GLCCI1: variants seen among roughly 807,000 people sequenced by gnomAD.
GLCCI1 encodes glucocorticoid-induced transcript 1 protein.
In GLCCI1, 24 loss-of-function variants were observed where a neutral mutation model predicts 52.2. The observed-to-expected ratio is 0.46, with a 90% CI of 0.33 to 0.65. The LOEUF is 0.65. Ranked by LOEUF, GLCCI1 falls within the 30% of genes least tolerant of loss-of-function variation. GLCCI1 has a pLI of 0.02. For synonymous variants in GLCCI1, 310 were observed against 276.5 expected (o/e 1.12, Z -1.20); for missense variants, 704 against 701.5 (o/e 1.00, Z -0.04).
intron 7 of GLCCI1, among the ~76,000 whole-genome samples, chr7:8,085,710 G>A (rs995751289): frequency 6.5e-5 from 9 of 138,754 alleles, no homozygotes; most frequent in Middle Eastern, 3.5e-3. Context: ...CTGTTGAATT[G>A]ACTGGCTTTT....
intron 1 of GLCCI1, among the ~76,000 whole-genome samples, chr7:7,989,951 A>T (rs1780807490): frequency 6.6e-6 from 1 of 152,166 alleles, no homozygotes; most frequent in South Asian, 2.1e-4. Flanking sequence ...CATTACTTAT[A>T]ATGCTCCGAA....
chr7:7,995,387 G>A (rs968469448), intron 1 of GLCCI1, among the ~76,000 whole-genome samples: 1 of 152,122 alleles, frequency 6.6e-6, no homozygotes, highest in African/African-American at 2.4e-5. Context: ...GCATGTGCCT[G>A]TAGCCCCAAA....
chr7:8,004,095 G>A (rs766876378), intron 2 of GLCCI1, 36 bp downstream of exon 2: 1 of 1,573,464 alleles, frequency 6.4e-7, no homozygotes, highest in Non-Finnish European at 8.7e-7. Context: ...TTATTACCCT[G>A]CACTTCTTCT....
chr7:8,002,336 T>G (rs898344844), intron 1 of GLCCI1, among the ~76,000 whole-genome samples: 4 of 152,170 alleles, frequency 2.6e-5, no homozygotes, highest in African/African-American at 9.6e-5. Flanking sequence ...ATATCTTCTC[T>G]GTAATTCATG....
intron 1 of GLCCI1, among the ~76,000 whole-genome samples, chr7:7,995,515 T>A (rs570061198): frequency 6.6e-6 from 1 of 152,084 alleles, no homozygotes; most frequent in Admixed American, 6.5e-5. Flanking sequence ...TGTCCATCAA[T>A]GATAGACTGG....
At position 7,969,212 on chromosome 7, in the gene GLCCI1, A is replaced by G; in HGVS notation, c.-139A>G. On this transcript the variant is annotated 5_prime_UTR_variant, in exon 1 of 8. Coordinates refer to ENST00000223145, the MANE Select transcript of GLCCI1 (RefSeq NM_138426.4). The surrounding 1 kb of genome is among the most constrained non-coding windows in gnomAD (Gnocchi z 4.9). ...TGCGTTGGGGAGGGGGAGCCCCGAG[A>G]CTCCTCCCCCACAGCGATACCCCCG... The G allele has an allele frequency of 2.0e-6, 1 of 512,034 alleles. No homozygotes were observed. The highest frequency in any genetic ancestry group is 2.6e-6 in the Non-Finnish European group (1 of 385,498). The allele number at this position is 512,034 out of a possible 1,614,324, so 31.7% of individuals were successfully genotyped here. A position where few individuals can be genotyped will look rare whatever the true frequency, so the allele number is the denominator to read the frequency against.
intron 1 of GLCCI1, among the ~76,000 whole-genome samples, chr7:7,992,059 CTT>C (rs1780849201): frequency 7.2e-6 from 1 of 138,538 alleles, no homozygotes; most frequent in Non-Finnish European, 1.6e-5. Context: ...TTCTTTCTTT[CTT>C]TCTTTCTTTC....
At chr7:8,061,868 T>C (rs1231844731) in intron 5 of GLCCI1, among the ~76,000 whole-genome samples, 1 of 151,872 alleles carries the variant, frequency 6.6e-6, no homozygotes. Context: ...GGTTTTACCA[T>C]GTTGACCAGG....
In GLCCI1 at chr7:7,969,564, C is replaced by A; in HGVS notation, c.214C>A (p.Leu72Ile). 9.9e-7 allele frequency: 1 copy of A among 1,007,438 alleles called. No individual in the cohort carries two copies. The highest frequency in any genetic ancestry group is 1.2e-6 in the Non-Finnish European group (1 of 845,234). The allele number at this position is 1,007,438 out of a possible 1,614,324, so 62.4% of individuals were successfully genotyped here. A position where few individuals can be genotyped will look rare whatever the true frequency, so the allele number is the denominator to read the frequency against. ...QPIRATVPYQ[L>I]LRGSQHSPTR... The stretch of plus-strand genomic sequence containing the variant: ...CATCCGCGCCACGGTGCCCTACCAG[C>A]TCTTGCGGGGCAGCCAGCACAGTCC... Residue 72 changes from leucine (L) to isoleucine (I), a missense_variant, in exon 1 of 8, where the codon CTC (leucine) becomes ATC (isoleucine). By Grantham distance (5) the Leu-to-Ile change is conservative. Around this residue, in one of 3 missense-constraint regions of GLCCI1, gnomAD observed 547 missense variants for 524.8 expected, o/e 1.04. Coordinates refer to ENST00000223145, the MANE Select transcript of GLCCI1 (RefSeq NM_138426.4). This position sits in a 1 kb window ranked among gnomAD's most constrained non-coding sequence, Gnocchi z 4.9.
intron 6 of GLCCI1, among the ~76,000 whole-genome samples, chr7:8,082,419 A>G (rs999903880): frequency 4.6e-5 from 7 of 152,162 alleles, no homozygotes; most frequent in Admixed American, 4.6e-4. Context: ...GAACTATACA[A>G]CAAGAGCTAA....
At chr7:8,062,683 T>C (rs1448647821) in intron 5 of GLCCI1, among the ~76,000 whole-genome samples, 2 of 152,182 alleles carry the variant, frequency 1.3e-5, no homozygotes, top group Non-Finnish European at 2.9e-5. Flanking sequence ...ATGTACTCAA[T>C]GTTTAGTTTT....
chr7:8,020,758 A>G (rs1403804137), intron 2 of GLCCI1, among the ~76,000 whole-genome samples: 1 of 152,188 alleles, frequency 6.6e-6, no homozygotes, highest in Non-Finnish European at 1.5e-5. Context: ...TTTCATTTTG[A>G]TAAGAGTAAT....
At chr7:8,004,290 A>G in intron 2 of GLCCI1, 2 of 397,040 alleles carry the variant, frequency 5.0e-6, no homozygotes, top group Non-Finnish European at 4.5e-6. Flanking sequence ...TCTATATTAC[A>G]TGGTTGTAGA....
chr7:8,023,767 T>C (rs1275583006), intron 3 of GLCCI1, among the ~76,000 whole-genome samples: 16 of 151,618 alleles, frequency 1.1e-4, no homozygotes, highest in Non-Finnish European at 1.0e-4. Context: ...TCCAGCTAAT[T>C]TTTGTATTTT....
intron 2 of GLCCI1, among the ~76,000 whole-genome samples, chr7:8,005,511 A>C (rs985018491): frequency 1.3e-5 from 2 of 152,230 alleles, no homozygotes; most frequent in African/African-American, 2.4e-5. Flanking sequence ...AAAAGCAGTC[A>C]CTCAGGGAAC....
chr7:8,014,606 G>T lies in GLCCI1; in HGVS notation c.610-7877G>T, dbSNP rs952741112. 1.1e-3 allele frequency among the ~76,000 whole-genome samples: 164 copies of T among 152,010 alleles called. 2 individuals are homozygous for T. The highest frequency in any genetic ancestry group is 1.3e-4 in the Non-Finnish European group (9 of 68,014). ...GTTTTGCAAGATTTCCTTCCTCTGT[G>T]CTCTAGCATAACACAGTATAAATAT... On this transcript the variant is annotated intron_variant, in intron 2 of 7. Coordinates refer to ENST00000223145, the MANE Select transcript of GLCCI1 (RefSeq NM_138426.4).
intron 3 of GLCCI1, among the ~76,000 whole-genome samples, chr7:8,050,500 T>C (rs1009872936): frequency 1.3e-5 from 2 of 152,206 alleles, no homozygotes; most frequent in Admixed American, 6.5e-5. Flanking sequence ...GGACATGTGA[T>C]CTTTATAAAC....
At chr7:8,085,935 G>A (rs1584031768) in intron 7 of GLCCI1, among the ~76,000 whole-genome samples, 2 of 152,178 alleles carry the variant, frequency 1.3e-5, no homozygotes, top group African/African-American at 2.4e-5. Context: ...ATAATTAAAA[G>A]CAAACTAATG....
At chr7:8,004,112 A>C in intron 2 of GLCCI1, 53 bp downstream of exon 2, 8 of 1,484,558 alleles carry the variant, frequency 5.4e-6, no homozygotes, top group Non-Finnish European at 7.3e-6. Context: ...TTCTGTTTTG[A>C]TCACAGTAAA....
Sources: gnomAD v4.1 joint callset for allele counts (sites outside exome capture counted in the v4.1 genomes callset) on GRCh38, gnomAD v4.1.1 for gene constraint, gnomAD v4.1.1 regional missense constraint, Gnocchi (gnomAD v3.1) non-coding constraint, MANE v1.5 for transcripts, NCBI Gene and HGNC (gene_info 2026-07-23, HGNC 2026-07-21) for gene names.